ASIC1: variants seen among roughly 807,000 people sequenced by gnomAD.
ASIC1 encodes the protein acid-sensing ion channel 1.
Under a neutral mutation model 63.4 loss-of-function variants are expected in ASIC1, and 21 were observed. That is an observed-to-expected ratio of 0.33 (90% CI 0.23 to 0.48). The LOEUF (loss-of-function observed/expected upper bound fraction) is 0.48, where lower values mean the gene tolerates loss of function less well. Among genes scored for constraint, ASIC1 ranks in the 20% least tolerant of loss-of-function variants. The probability of loss-of-function intolerance (pLI) is 0.99; values close to 1 mark genes in which losing one functional copy is unlikely to be tolerated. For synonymous variants in ASIC1, 258 were observed against 278.2 expected (o/e 0.93, Z 0.72); for missense variants, 478 against 695.5 (o/e 0.69, Z 3.52).
chr12:50,072,670 T>C (rs895184486), intron 3 of ASIC1, among the ~76,000 whole-genome samples: 6 of 151,978 alleles, frequency 3.9e-5, no homozygotes, highest in African/African-American at 1.4e-4. Flanking sequence ...AAAAGGGTAG[T>C]GGTGATCTGC....
intron 7 of ASIC1, 95 bp downstream of exon 7, chr12:50,079,075 A>T: frequency 1.6e-6 from 2 of 1,269,340 alleles, no homozygotes; most frequent in Non-Finnish European, 2.3e-6. Context: ...GAAGCCTCAC[A>T]TAACTCCTGG....
intron 3 of ASIC1, among the ~76,000 whole-genome samples, chr12:50,061,316 A>G (rs1950498897): frequency 6.6e-6 from 1 of 152,190 alleles, no homozygotes; most frequent in Admixed American, 6.5e-5. Flanking sequence ...TGCTCTGCAG[A>G]CCAGTTTCAC....
At chr12:50,070,773 G>A (rs1190883164) in intron 3 of ASIC1, 5 of 152,318 alleles carry the variant, frequency 3.3e-5, no homozygotes, top group African/African-American at 1.2e-4. Flanking sequence ...CACTTCCTGG[G>A]GAATGCAAAG....
chr12:50,076,748 G>A, intron 3 of ASIC1: 1 of 316,860 alleles, frequency 3.2e-6, no homozygotes, highest in Non-Finnish European at 6.3e-6. Flanking sequence ...GGGGACTGAG[G>A]CAGTGAGCAG....
chr12:50,081,292 A>C lies in ASIC1; in HGVS notation c.1410A>C (p.Lys470Asn), dbSNP rs551047841. ...AGCACAAGCTGTGCCGACGAGGAAA[A>C]TGCCAGAAGGAGGCCAAAAGGAGCA... is the stretch of plus-strand genomic sequence containing the variant. ...VIKHKLCRRG[K>N]CQKEAKRSSA... is the part of the protein sequence containing the mutation. The change falls in exon 11 of 12, where the codon AAA becomes AAC. Residue 470 changes from lysine (K) to asparagine (N), a missense_variant. This residue lies in a region of ASIC1 where 104 missense variants were observed against 97.0 expected (regional missense o/e 1.07). Coordinates refer to ENST00000447966, the MANE Select transcript of ASIC1 (RefSeq NM_001095.4). The C allele has an allele frequency of 2.0e-5, 32 of 1,610,502 alleles. No homozygotes were observed. In the South Asian group the frequency reaches 2.8e-4, roughly 14 times the overall value.
intron 3 of ASIC1, among the ~76,000 whole-genome samples, chr12:50,065,951 C>T (rs1950541371): frequency 6.6e-6 from 1 of 152,194 alleles, no homozygotes; most frequent in Non-Finnish European, 1.5e-5. Context: ...CACATATGCG[C>T]CCCGAGCATG....
intron 3 of ASIC1, among the ~76,000 whole-genome samples, chr12:50,065,947 T>C (rs1950541265): frequency 6.6e-6 from 1 of 152,178 alleles, no homozygotes; most frequent in East Asian, 1.9e-4. Context: ...TCATCACATA[T>C]GCGCCCCGAG....
At chr12:50,075,046 G>A (rs1283204035) in intron 3 of ASIC1, among the ~76,000 whole-genome samples, 1 of 151,952 alleles carries the variant, frequency 6.6e-6, no homozygotes, top group Non-Finnish European at 1.5e-5. Context: ...GGCTTTCCCT[G>A]CTGGGGGGCC....
intron 3 of ASIC1, chr12:50,073,497 G>A: frequency 7.0e-7 from 1 of 1,433,290 alleles, no homozygotes; most frequent in East Asian, 2.5e-5. Context: ...GGCTCTGCCG[G>A]ACTCTGCCTG....
At chr12:50,081,411 C>A (rs761679948) in intron 11 of ASIC1, 47 bp downstream of exon 11, 89 of 1,541,344 alleles carry the variant, frequency 5.8e-5, no homozygotes, top group Non-Finnish European at 7.6e-5. Context: ...GTGCCTCCAC[C>A]GCCCCAGGAA....
intron 3 of ASIC1, among the ~76,000 whole-genome samples, chr12:50,069,890 G>A (rs1286806801): frequency 6.6e-6 from 1 of 152,166 alleles, no homozygotes; most frequent in Non-Finnish European, 1.5e-5. Flanking sequence ...CCTCATTCCA[G>A]CCTCCAGCCC....
Position 50,077,251 on chromosome 12 carries a change from G to A in ASIC1, c.597G>A (p.Ser199=), listed in dbSNP as rs771133907. The change falls in exon 4 of 12, where the codon TCG becomes TCA. Residue 199 remains serine, a synonymous_variant. Transcript: ENST00000447966. ...ATGGAAAGTGCTACACGTTCAACTC[G>A]GGCCGAGATGGGCGGCCGCGGCTGA... is the stretch of plus-strand genomic sequence containing the variant. ...TRYGKCYTFN[S]GRDGRPRLKT... The A allele has an allele frequency of 9.3e-6, 15 of 1,613,722 alleles. No homozygotes were observed. Among genetic ancestry groups the A allele is most frequent in the Admixed American group, 1.7e-5 (1 of 59,986 alleles).
chr12:50,071,702 G>C (rs901912988), intron 3 of ASIC1, among the ~76,000 whole-genome samples: 2 of 152,154 alleles, frequency 1.3e-5, no homozygotes, highest in African/African-American at 4.8e-5. Flanking sequence ...CTGGAGTGCA[G>C]TGGTGCGATC....
At chr12:50,070,365 T>TGTGTTGGGGTGTGTGC (rs1178452393) in intron 3 of ASIC1, among the ~76,000 whole-genome samples, 2 of 151,558 alleles carry the variant, frequency 1.3e-5, no homozygotes, top group East Asian at 1.9e-4. Flanking sequence ...GGTGTGTGTG[T>TGTGTTGGGGTGTGTGC]GTGTTGGGGT....
Position 50,080,069 on chromosome 12 carries a change from C to A in ASIC1, c.1205+14C>A, listed in dbSNP as rs1950698991. On this transcript the variant is annotated intron_variant, in intron 8 of 11. Transcript: ENST00000447966. ...GCAATACATAGGGTAAGGGCTCTGG[C>A]TGGGTAGAGCAAGGCCCTTGGGTTG... The A allele has an allele frequency of 2.5e-6, 4 of 1,599,354 alleles. No individual in the cohort carries two copies. Among genetic ancestry groups the A allele is most frequent in the Non-Finnish European group, 3.4e-6 (4 of 1,172,740 alleles).
intron 3 of ASIC1, among the ~76,000 whole-genome samples, chr12:50,067,711 G>A (rs1022428606): frequency 3.3e-5 from 5 of 152,226 alleles, no homozygotes; most frequent in Non-Finnish European, 5.9e-5. Flanking sequence ...GAGCCACTGC[G>A]CCCGGACCCC....
At chr12:50,066,475 G>C (rs1417378510) in intron 3 of ASIC1, among the ~76,000 whole-genome samples, 1 of 152,102 alleles carries the variant, frequency 6.6e-6, no homozygotes, top group Non-Finnish European at 1.5e-5. Flanking sequence ...AGTTGAGTAG[G>C]CCTAGTTTTT....
At chr12:50,080,612 C>A in intron 9 of ASIC1, 23 bp downstream of exon 9, 1 of 1,614,198 alleles carries the variant, frequency 6.2e-7, no homozygotes, top group Non-Finnish European at 8.5e-7. Flanking sequence ...TGACACCTGT[C>A]CCCTTCTCAT....
In ASIC1 at chr12:50,083,236, G is replaced by C. The variant is rs1331358117; in HGVS notation, c.*1587G>C. ...GGGTTTGGGAGGAAAGAGAGGCCTA[G>C]AGGAGGAGTTGAAAGCTCTGCTGTT... On this transcript the variant is annotated 3_prime_UTR_variant, in exon 12 of 12. Transcript: ENST00000447966. The C allele has an allele frequency of 6.6e-6, 1 of 152,272 alleles. No homozygotes were observed. Among genetic ancestry groups the C allele is most frequent in the Admixed American group, 6.5e-5 (1 of 15,284 alleles). The allele number at this position is 152,272 out of a possible 1,614,324, so 9.4% of individuals were successfully genotyped here. A position where few individuals can be genotyped will look rare whatever the true frequency, so the allele number is the denominator to read the frequency against.
Sources: allele counts gnomAD v4.1 joint callset (sites outside exome capture counted in the v4.1 genomes callset), GRCh38; gene constraint gnomAD v4.1.1; regional missense constraint gnomAD v4.1.1; transcripts MANE v1.5; gene names NCBI Gene and HGNC (gene_info 2026-07-23, HGNC 2026-07-21).